Variants in MRPS35 observed in about 807,000 individuals in gnomAD.
The protein encoded by MRPS35 is small ribosomal subunit protein mS35.
A neutral mutation model predicts 32.7 loss-of-function variants in MRPS35; 29 were observed. The observed-to-expected ratio is 0.89, with a 90% confidence interval of 0.66 to 1.21. The LOEUF (loss-of-function observed/expected upper bound fraction) is 1.21. MRPS35 is among the 50% of genes most tolerant of loss of function. The pLI, the probability that MRPS35 is intolerant of heterozygous loss-of-function variation, is 0.00. For missense variants in MRPS35, 373 were observed against 383.8 expected (o/e 0.97, Z 0.23); for synonymous variants, 148 against 139.3 (o/e 1.06, Z -0.44).
intron 1 of MRPS35, among the ~76,000 whole-genome samples, chr12:27,713,008 C>A (rs2061834546): frequency 6.6e-6 from 1 of 152,120 alleles, no homozygotes. Flanking sequence ...GGGAGTGAGA[C>A]CCTATCTCAA....
At chr12:27,711,972 G>T (rs1163317768) in intron 1 of MRPS35, among the ~76,000 whole-genome samples, 1 of 151,314 alleles carries the variant, frequency 6.6e-6, no homozygotes, top group African/African-American at 2.4e-5. Context: ...AGGTGGGGAA[G>T]TCAATAGTAT....
At chr12:27,715,594 TAAATGGTATC>T (rs1482474201) in intron 2 of MRPS35, among the ~76,000 whole-genome samples, 1 of 152,230 alleles carries the variant, frequency 6.6e-6, no homozygotes, top group East Asian at 1.9e-4. Flanking sequence ...AGTTGGAAGT[TAAATGGTATC>T]AAATTACAAT....
At chr12:27,722,939 T>G (rs903289281) in intron 4 of MRPS35, among the ~76,000 whole-genome samples, 1 of 152,192 alleles carries the variant, frequency 6.6e-6, no homozygotes, top group Non-Finnish European at 1.5e-5. Flanking sequence ...GAAATGTTAT[T>G]GGCAAAATAG....
intron 5 of MRPS35, chr12:27,725,623 T>C: frequency 4.3e-6 from 1 of 232,332 alleles, no homozygotes; most frequent in Non-Finnish European, 8.6e-6. Flanking sequence ...AAGGCCTGCT[T>C]TCCTGTGCTC....
At chr12:27,713,304 A>G (rs2061835561) in intron 1 of MRPS35, among the ~76,000 whole-genome samples, 1 of 152,198 alleles carries the variant, frequency 6.6e-6, no homozygotes, top group South Asian at 2.1e-4. Flanking sequence ...ACGTAGATGT[A>G]GGATAGGATA....
intron 7 of MRPS35, among the ~76,000 whole-genome samples, chr12:27,743,397 G>A (rs1427289975): frequency 9.2e-5 from 14 of 151,840 alleles, no homozygotes; most frequent in African/African-American, 2.4e-5. Context: ...GTGTGGTGGC[G>A]GGCACCTGTA....
chr12:27,735,689 T>C (rs2061940883), intron 6 of MRPS35, 133 bp downstream of exon 6: 1 of 659,236 alleles, frequency 1.5e-6, no homozygotes, highest in Non-Finnish European at 2.6e-6. Context: ...AGCAGAGTTC[T>C]CTAATTCATA....
At chr12:27,727,483 G>A (rs1593468295) in intron 5 of MRPS35, among the ~76,000 whole-genome samples, 1 of 152,076 alleles carries the variant, frequency 6.6e-6, no homozygotes, top group South Asian at 2.1e-4. Flanking sequence ...TAGCCAAGGA[G>A]CAATTGACTA....
chr12:27,714,843 T>C (rs376927065), intron 2 of MRPS35, 23 bp downstream of exon 2: 2 of 1,600,266 alleles, frequency 1.2e-6, no homozygotes, highest in Non-Finnish European at 1.7e-6. Flanking sequence ...TATACTCTAC[T>C]ATCTTAATGG....
rs1202010582 is a variant in MRPS35, at chr12:27,719,850, C to A, written c.364C>A (p.His122Asn). 5 of 1,607,032 alleles carry A rather than the reference C, an allele frequency of 3.1e-6. No individual in the cohort carries two copies. Among genetic ancestry groups the A allele is most frequent in the Non-Finnish European group, 4.3e-6 (5 of 1,174,646 alleles). ...LHLTPVAIKK[H>N]CEALKDFCTE... ...TTTGACTCCTGTAGCAATTAAAAAG[C>A]ACTGTGAAGCCCTTAAAGGTAAGTG... The change falls in exon 4 of 8, where the codon CAC becomes AAC. Residue 122 changes from histidine (H) to asparagine (N), a missense_variant. Transcript: ENST00000081029.
chr12:27,752,862 C>T (rs1032842178), intron 7 of MRPS35: 1 of 151,928 alleles, frequency 6.6e-6, no homozygotes, highest in South Asian at 2.1e-4. Flanking sequence ...AGAGGCATAC[C>T]AAGTTGTTTC....
At chr12:27,746,019 T>C (rs914595531) in intron 7 of MRPS35, among the ~76,000 whole-genome samples, 6 of 152,224 alleles carry the variant, frequency 3.9e-5, no homozygotes, top group Non-Finnish European at 7.3e-5. Context: ...AGTGCCACAG[T>C]AAACATATGT....
At chr12:27,737,482 A>AC in intron 6 of MRPS35, 57 bp from the exon 7 acceptor site, 1 of 1,436,580 alleles carries the variant, frequency 7.0e-7, no homozygotes, top group Non-Finnish European at 9.8e-7. Flanking sequence ...TATTTTGCAA[A>AC]TTTTTCTGTG....
intron 5 of MRPS35, among the ~76,000 whole-genome samples, chr12:27,726,506 A>C (rs1343323067): frequency 2.0e-5 from 3 of 152,132 alleles, no homozygotes; most frequent in Non-Finnish European, 2.9e-5. Flanking sequence ...GTATATACCT[A>C]GCAGTGGAAT....
chr12:27,743,971 G>C (rs1489318538), intron 7 of MRPS35, among the ~76,000 whole-genome samples: 1 of 152,180 alleles, frequency 6.6e-6, no homozygotes, highest in Admixed American at 6.5e-5. Flanking sequence ...CATTTGGTCT[G>C]TAGCACGGGT....
intron 5 of MRPS35, among the ~76,000 whole-genome samples, 193 bp downstream of exon 5, chr12:27,724,379 TAAAG>T (rs1306619814): frequency 2.6e-5 from 4 of 151,408 alleles, no homozygotes; most frequent in African/African-American, 7.3e-5. Context: ...TCTCTAAAAA[TAAAG>T]AAAGAAATTG....
At chr12:27,750,648 T>A (rs2061998211) in intron 7 of MRPS35, among the ~76,000 whole-genome samples, 1 of 150,442 alleles carries the variant, frequency 6.6e-6, no homozygotes, top group Admixed American at 6.6e-5. Context: ...ACAAAAAAAA[T>A]GCAAACATTA....
chr12:27,735,975 T>A (rs1466479010), intron 6 of MRPS35, among the ~76,000 whole-genome samples: 2 of 152,194 alleles, frequency 1.3e-5, no homozygotes, highest in Non-Finnish European at 2.9e-5. Flanking sequence ...TCGTAAATAA[T>A]CAAAATCTCA....
At chr12:27,726,848 A>G (rs371730144) in intron 5 of MRPS35, among the ~76,000 whole-genome samples, 1 of 151,802 alleles carries the variant, frequency 6.6e-6, no homozygotes, top group Non-Finnish European at 1.5e-5. Context: ...TTGTTGAGTT[A>G]TAAGTGTATT....
Sources: allele counts gnomAD v4.1 joint callset (sites outside exome capture counted in the v4.1 genomes callset), GRCh38; gene constraint gnomAD v4.1.1; transcripts MANE v1.5; gene names NCBI Gene and HGNC (gene_info 2026-07-23, HGNC 2026-07-21).